The following SAMD5 variants were observed in gnomAD, a reference collection of about 807,000 sequenced individuals.
The protein encoded by SAMD5 is sterile alpha motif domain containing 5.
A neutral mutation model predicts 11.3 loss-of-function variants in SAMD5; 13 were observed. That is an observed-to-expected ratio of 1.15 (90% CI 0.75 to 1.83). SAMD5 has a LOEUF of 1.83. Ranked by LOEUF, SAMD5 falls within the 40% of genes most tolerant of loss-of-function variation. The pLI, the probability that SAMD5 is intolerant of heterozygous loss-of-function variation, is 0.00. For missense variants in SAMD5, 255 were observed against 239.1 expected, an observed-to-expected ratio of 1.07 and a Z score of -0.44; for synonymous variants, 129 against 111.3, an observed-to-expected ratio of 1.16 and a Z score of -1.00.
chr6:147,900,746 A>G, the SAMD5 span, among the ~76,000 whole-genome samples: 1 of 152,188 alleles, frequency 6.6e-6, no homozygotes, highest in African/African-American at 2.4e-5. Context: ...TGGAAGAGTT[A>G]AGGAAGGAGA....
chr6:147,911,135 A>G, the SAMD5 span, among the ~76,000 whole-genome samples: 4 of 152,240 alleles, frequency 2.6e-5, no homozygotes, highest in Non-Finnish European at 4.4e-5. Flanking sequence ...ACAAAGGGAT[A>G]AAATTGTGGA....
chr6:147,672,266 C>G (rs1208462249), intron 1 of SAMD5, among the ~76,000 whole-genome samples: 1 of 151,982 alleles, frequency 6.6e-6, no homozygotes, highest in Non-Finnish European at 1.5e-5. Flanking sequence ...TTACCTTGTT[C>G]TAGTCACTTT....
chr6:147,621,012 A>G (rs993410515), intron 1 of SAMD5, among the ~76,000 whole-genome samples: 2 of 151,220 alleles, frequency 1.3e-5, no homozygotes, highest in Admixed American at 1.3e-4. Flanking sequence ...ATGCGCGCGC[A>G]TGTAGGGAAA....
intron 1 of SAMD5, among the ~76,000 whole-genome samples, chr6:147,715,519 GAGCTCCT>G (rs144301132): frequency 0.037 from 5,675 of 152,262 alleles, 138 homozygotes; most frequent in African/African-American, 0.07. Context: ...CTTGTTCAGG[GAGCTCCT>G]AGGTCTGGGT....
chr6:147,870,788 A>G, the SAMD5 span, among the ~76,000 whole-genome samples: 3 of 142,866 alleles, frequency 2.1e-5, no homozygotes, highest in East Asian at 2.2e-4. Flanking sequence ...AAAGAAAAGA[A>G]AAAAGGGAAG....
chr6:147,842,068 A>G, the SAMD5 span, among the ~76,000 whole-genome samples: 2 of 152,230 alleles, frequency 1.3e-5, no homozygotes, highest in African/African-American at 2.4e-5. Flanking sequence ...TTCTTTCAGT[A>G]GATTAATTTA....
chr6:147,806,215 T>A, the SAMD5 span, among the ~76,000 whole-genome samples: 1 of 152,212 alleles, frequency 6.6e-6, no homozygotes, highest in African/African-American at 2.4e-5. Flanking sequence ...TTTTTGCTAA[T>A]GAGACATCCT....
chr6:147,572,266 C>T (rs549681055), downstream of SAMD5, among the ~76,000 whole-genome samples: 21 of 152,256 alleles, frequency 1.4e-4, no homozygotes, highest in African/African-American at 5.1e-4. Flanking sequence ...GTGGCTTTCT[C>T]CCCTATACAT....
chr6:147,620,949 T>C (rs1789950277), intron 1 of SAMD5, among the ~76,000 whole-genome samples: 1 of 146,740 alleles, frequency 6.8e-6, no homozygotes, highest in South Asian at 2.2e-4. Flanking sequence ...TGTGTATGAC[T>C]GTGTATGTGC....
the SAMD5 span, among the ~76,000 whole-genome samples, chr6:147,839,774 A>C: frequency 1.9e-3 from 284 of 152,306 alleles, 1 homozygote; most frequent in African/African-American, 6.3e-3. Context: ...AGGTAAAAAC[A>C]TGGATAGTAT....
the SAMD5 span, among the ~76,000 whole-genome samples, chr6:147,933,518 C>T: frequency 6.6e-6 from 1 of 152,134 alleles, no homozygotes; most frequent in African/African-American, 2.4e-5. Flanking sequence ...TGGAATTCTA[C>T]TCTTTCTTTG....
chr6:147,620,896 A>ACC (rs2128450195), intron 1 of SAMD5, among the ~76,000 whole-genome samples: 1 of 151,674 alleles, frequency 6.6e-6, no homozygotes, highest in South Asian at 2.1e-4. Context: ...AGAAGAAAGA[A>ACC]CCGTGGCTCT....
intron 1 of SAMD5, among the ~76,000 whole-genome samples, chr6:147,644,181 G>T (rs1009242712): frequency 6.6e-6 from 1 of 151,804 alleles, no homozygotes. Flanking sequence ...CTCCTGAAAT[G>T]CTGCTCTAAT....
intron 1 of SAMD5, among the ~76,000 whole-genome samples, chr6:147,575,692 C>G (rs1789207471): frequency 6.6e-6 from 1 of 152,174 alleles, no homozygotes; most frequent in African/African-American, 2.4e-5. Flanking sequence ...GCCTGAGACT[C>G]AGAATAAGAA....
the SAMD5 span, among the ~76,000 whole-genome samples, chr6:147,921,834 T>C: frequency 6.6e-6 from 1 of 152,202 alleles, no homozygotes. Flanking sequence ...GAACAGAGAA[T>C]AGTATTTCCA....
At chr6:147,894,124 G>GTT in the SAMD5 span, among the ~76,000 whole-genome samples, 1 of 139,408 alleles carries the variant, frequency 7.2e-6, no homozygotes, top group Admixed American at 7.2e-5. Flanking sequence ...TCTTTGTTTT[G>GTT]TATTTTTTTT....
downstream of SAMD5, among the ~76,000 whole-genome samples, chr6:147,572,455 A>C (rs1036300594): frequency 3.3e-5 from 5 of 152,152 alleles, no homozygotes; most frequent in Non-Finnish European, 7.4e-5. Flanking sequence ...AAACATTGTA[A>C]TTTGTGAAAG....
the SAMD5 span, among the ~76,000 whole-genome samples, chr6:147,868,375 T>C: frequency 6.6e-6 from 1 of 152,242 alleles, no homozygotes; most frequent in Admixed American, 6.5e-5. Flanking sequence ...AGACTTGGCC[T>C]GGAAACATTT....
intron 1 of SAMD5, among the ~76,000 whole-genome samples, chr6:147,546,269 C>T (rs958509752): frequency 1.3e-5 from 2 of 152,106 alleles, no homozygotes; most frequent in Non-Finnish European, 2.9e-5. Flanking sequence ...GTGGCTCACG[C>T]CTGTAATCCC....
Sources: gnomAD v4.1 joint callset for allele counts (sites outside exome capture counted in the v4.1 genomes callset) on GRCh38, gnomAD v4.1.1 for gene constraint, MANE v1.5 for transcripts, NCBI Gene and HGNC (gene_info 2026-07-23, HGNC 2026-07-21) for gene names.